CHRM2: variants seen among roughly 807,000 people sequenced by gnomAD.
CHRM2 encodes the protein cholinergic receptor muscarinic 2.
In CHRM2, 8 loss-of-function variants were observed where a neutral mutation model predicts 25.0. The observed-to-expected ratio is 0.32, with a 90% CI of 0.19 to 0.58. The LOEUF (loss-of-function observed/expected upper bound fraction) is 0.58. Ranked by LOEUF, CHRM2 falls within the 20% of genes least tolerant of loss-of-function variation. The pLI, the probability that CHRM2 is intolerant of heterozygous loss-of-function variation, is 0.88. For synonymous variants in CHRM2, 202 were observed against 205.7 expected, an observed-to-expected ratio of 0.98 and a Z score of 0.15; for missense variants, 440 against 567.1, an observed-to-expected ratio of 0.78 and a Z score of 2.28.
chr7:136,908,824 GA>G (rs1277529845), intron 2 of CHRM2, among the ~76,000 whole-genome samples: 1 of 151,886 alleles, frequency 6.6e-6, no homozygotes, highest in African/African-American at 2.4e-5. Context: ...GTCAGTGAAG[GA>G]AAGAGATGAA....
chr7:137,010,479 C>G (rs558804959), intron 3 of CHRM2, among the ~76,000 whole-genome samples: 2 of 151,934 alleles, frequency 1.3e-5, no homozygotes, highest in East Asian at 3.9e-4. Context: ...TTAACACCAC[C>G]CTATGATGCC....
intron 2 of CHRM2, among the ~76,000 whole-genome samples, chr7:136,972,727 A>G (rs75523585): frequency 0.023 from 3,078 of 132,528 alleles, 55 homozygotes; most frequent in East Asian, 0.036. Context: ...GCTGGCAGGT[A>G]ATGATGGTGA....
At chr7:136,877,271 G>T (rs768107428) in intron 2 of CHRM2, among the ~76,000 whole-genome samples, 36 of 152,144 alleles carry the variant, frequency 2.4e-4, no homozygotes, top group Non-Finnish European at 3.7e-4. Context: ...GACAGCTATA[G>T]ATTAAGAAGC....
intron 3 of CHRM2, among the ~76,000 whole-genome samples, chr7:137,011,196 T>TGC (rs1804784234): frequency 7.7e-6 from 1 of 129,650 alleles, no homozygotes; most frequent in Non-Finnish European, 1.6e-5. Context: ...TATGTGTACG[T>TGC]GTGTGTGTGT....
intron 2 of CHRM2, among the ~76,000 whole-genome samples, chr7:136,950,785 G>A (rs1039970204): frequency 7.0e-6 from 1 of 142,412 alleles, no homozygotes; most frequent in African/African-American, 2.6e-5. Context: ...CCCCCAACCT[G>A]TTGTTGTTGT....
chr7:136,994,994 CTT>C (rs1323007995), intron 3 of CHRM2, among the ~76,000 whole-genome samples: 1 of 152,090 alleles, frequency 6.6e-6, no homozygotes, highest in Non-Finnish European at 1.5e-5. Flanking sequence ...ATACAATTAA[CTT>C]TAATAAATAC....
chr7:136,944,483 G>A (rs554371011), intron 2 of CHRM2, among the ~76,000 whole-genome samples: 1,927 of 147,938 alleles, frequency 0.013, 15 homozygotes, highest in Non-Finnish European at 0.019. Context: ...ATGTGTGTGT[G>A]TGTGTACATG....
At chr7:136,989,591 A>G (rs925558065) in intron 2 of CHRM2, among the ~76,000 whole-genome samples, 1 of 152,156 alleles carries the variant, frequency 6.6e-6, no homozygotes, top group Non-Finnish European at 1.5e-5. Context: ...AGGAATATGT[A>G]TGTCATTATT....
chr7:136,964,230 T>A (rs1372150210), intron 2 of CHRM2, among the ~76,000 whole-genome samples: 1 of 152,114 alleles, frequency 6.6e-6, no homozygotes, highest in East Asian at 1.9e-4. Flanking sequence ...GTTAAATATA[T>A]ATATATATGT....
chr7:136,937,808 C>T (rs980943235), intron 2 of CHRM2, among the ~76,000 whole-genome samples: 8 of 152,208 alleles, frequency 5.3e-5, no homozygotes, highest in Middle Eastern at 3.4e-3. Flanking sequence ...TGACACCGAA[C>T]GTGACCATTA....
intron 2 of CHRM2, among the ~76,000 whole-genome samples, chr7:136,904,752 A>G (rs1175257090): frequency 6.6e-6 from 1 of 151,952 alleles, no homozygotes; most frequent in Non-Finnish European, 1.5e-5. Flanking sequence ...TCTCATCTAA[A>G]TGTTTAAAAT....
chr7:136,905,956 T>C (rs1797514570), intron 2 of CHRM2, among the ~76,000 whole-genome samples: 4 of 151,550 alleles, frequency 2.6e-5, no homozygotes, highest in Admixed American at 2.0e-4. Context: ...AATGTTATTT[T>C]TTTTTCAAAT....
At chr7:136,876,830 AG>A (rs1796070250) in intron 2 of CHRM2, among the ~76,000 whole-genome samples, 2 of 146,552 alleles carry the variant, frequency 1.4e-5, no homozygotes, top group Admixed American at 1.4e-4. Flanking sequence ...CTTTTTCAAA[AG>A]TCAATATTCA....
At chr7:136,892,898 G>A (rs1796749907) in intron 2 of CHRM2, among the ~76,000 whole-genome samples, 1 of 152,008 alleles carries the variant, frequency 6.6e-6, no homozygotes, top group Non-Finnish European at 1.5e-5. Flanking sequence ...TCGAACTCCT[G>A]ACCTCAGGTC....
At chr7:137,002,964 T>C (rs1423366752) in intron 3 of CHRM2, among the ~76,000 whole-genome samples, 1 of 152,152 alleles carries the variant, frequency 6.6e-6, no homozygotes, top group African/African-American at 2.4e-5. Flanking sequence ...TGGTAGATTT[T>C]ATTTTCCACA....
At chr7:136,921,781 T>C (rs1160996446) in intron 2 of CHRM2, among the ~76,000 whole-genome samples, 1 of 143,602 alleles carries the variant, frequency 7.0e-6, no homozygotes, top group Non-Finnish European at 1.6e-5. Context: ...TTTCTTTCTT[T>C]CTTTCTTTCT....
chr7:136,890,143 A>T (rs1796635935), intron 2 of CHRM2, among the ~76,000 whole-genome samples: 2 of 152,208 alleles, frequency 1.3e-5, no homozygotes, highest in Admixed American at 1.3e-4. Context: ...GAGACAATAC[A>T]TTTCTAATCT....
intron 2 of CHRM2, among the ~76,000 whole-genome samples, chr7:136,966,184 A>ATTTT (rs34410846): frequency 6.7e-6 from 1 of 149,182 alleles, no homozygotes; most frequent in Non-Finnish European, 1.5e-5. Context: ...TCTTCTGCAA[A>ATTTT]TTTTTTTTTT....
chr7:137,009,739 A>G (rs1223481767), intron 3 of CHRM2, among the ~76,000 whole-genome samples: 1 of 152,092 alleles, frequency 6.6e-6, no homozygotes, highest in Non-Finnish European at 1.5e-5. Flanking sequence ...TTATAAAAGG[A>G]GTATAATAAA....
Sources: allele counts gnomAD v4.1 joint callset (sites outside exome capture counted in the v4.1 genomes callset), GRCh38; gene constraint gnomAD v4.1.1; transcripts MANE v1.5; gene names NCBI Gene and HGNC (gene_info 2026-07-23, HGNC 2026-07-21).